DIS3L2: variants seen among roughly 807,000 people sequenced by gnomAD.
DIS3L2 encodes the protein DIS3-like exonuclease 2.
DIS3L2 carries 34 observed loss-of-function variants against 97.5 expected under a neutral mutation model. That is an observed-to-expected ratio of 0.35 (90% CI 0.27 to 0.46). The LOEUF (loss-of-function observed/expected upper bound fraction) is 0.46, where lower values mean the gene tolerates loss of function less well. Ranked by LOEUF, DIS3L2 falls within the 20% of genes least tolerant of loss-of-function variation. DIS3L2 has a pLI of 1.00. For synonymous variants in DIS3L2, 435 were observed against 445.2 expected (o/e 0.98, Z 0.29); for missense variants, 1,038 against 1,146.0 (o/e 0.91, Z 1.36).
Position 232,127,475 on chromosome 2 carries a change from T to G in DIS3L2, c.602-3144T>G, listed in dbSNP as rs947976737. 3.9e-5 allele frequency among the ~76,000 whole-genome samples: 6 copies of G among 152,346 alleles called. No homozygotes were observed. In the East Asian group the frequency reaches 1.2e-3, roughly 29 times the overall value. On this transcript the variant is annotated intron_variant, in intron 6 of 20. Coordinates refer to ENST00000325385, the MANE Select transcript of DIS3L2 (RefSeq NM_152383.5). ...AAATATATCTTAATTCCATCTCCAA[T>G]GCCTGCATCACAGCTCCAGCCTCTC...
At chr2:231,969,101 A>G (rs1014170282) in intron 1 of DIS3L2, among the ~76,000 whole-genome samples, 5 of 152,228 alleles carry the variant, frequency 3.3e-5, no homozygotes, top group African/African-American at 1.2e-4. Flanking sequence ...GCCGTGTGGA[A>G]CTGAGTCAAT....
rs1450095557 is a variant in DIS3L2, at chr2:232,337,011, C to T, written c.*381C>T. The stretch of plus-strand genomic sequence containing the variant: ...GTAGGGCGCCTCTGGGAAGCCTGGG[C>T]AGCAGAATGCCCCTTGCACCCAGGG... On this transcript the variant is annotated 3_prime_UTR_variant, in exon 21 of 21. Transcript: ENST00000325385. 8 of 1,090,060 alleles carry T rather than the reference C, an allele frequency of 7.3e-6. No homozygotes were observed. The highest frequency in any genetic ancestry group is 2.4e-5 in the South Asian group (1 of 40,870). The allele number at this position is 1,090,060 out of a possible 1,614,324, so 67.5% of individuals were successfully genotyped here.
At chr2:232,054,039 G>C (rs1296762608) in intron 5 of DIS3L2, among the ~76,000 whole-genome samples, 2 of 152,118 alleles carry the variant, frequency 1.3e-5, no homozygotes, top group African/African-American at 4.8e-5. Flanking sequence ...TGTTCGAAAA[G>C]GGCTTATTAC....
At chr2:232,176,076 A>G (rs1483800386) in intron 9 of DIS3L2, among the ~76,000 whole-genome samples, 1 of 152,098 alleles carries the variant, frequency 6.6e-6, no homozygotes, top group Non-Finnish European at 1.5e-5. Context: ...TTCTTCATAG[A>G]GACAGGGTTT....
At chr2:232,051,453 A>G (rs975453023) in intron 5 of DIS3L2, among the ~76,000 whole-genome samples, 33 of 152,198 alleles carry the variant, frequency 2.2e-4, no homozygotes, top group African/African-American at 5.8e-4. Context: ...ACGACTAGGA[A>G]GACCAAAAAC....
chr2:232,060,643 C>G (rs1695678665), intron 5 of DIS3L2, among the ~76,000 whole-genome samples: 1 of 151,924 alleles, frequency 6.6e-6, no homozygotes, highest in Admixed American at 6.6e-5. Context: ...CTATTCTGGT[C>G]TTTTATGGCT....
chr2:232,301,168 A>G (rs1473215670), intron 14 of DIS3L2, among the ~76,000 whole-genome samples: 2 of 152,182 alleles, frequency 1.3e-5, no homozygotes, highest in Non-Finnish European at 2.9e-5. Context: ...TATTATTGTC[A>G]TATTTGCAGA....
intron 16 of DIS3L2, chr2:232,331,724 C>T (rs1457867773): frequency 6.6e-6 from 1 of 152,442 alleles, no homozygotes; most frequent in African/African-American, 2.4e-5. Flanking sequence ...AGAACTGCCT[C>T]TGGCTCTGCC....
Position 232,254,359 on chromosome 2 carries a change from G to A in DIS3L2, c.1425+5013G>A, listed in dbSNP as rs535929960. On this transcript the variant is annotated intron_variant, in intron 12 of 20. Coordinates refer to ENST00000325385, the MANE Select transcript of DIS3L2 (RefSeq NM_152383.5). ...GTATGCCAGCAATCATATTTTGGTG[G>A]GGGTGGGAGCATGCATAGGGGAAAA... is the stretch of plus-strand genomic sequence containing the variant. 3.9e-5 allele frequency among the ~76,000 whole-genome samples: 6 copies of A among 152,248 alleles called. No homozygotes were observed. In the South Asian group the frequency reaches 1.2e-3, roughly 32 times the overall value.
intron 5 of DIS3L2, among the ~76,000 whole-genome samples, chr2:232,055,709 C>T (rs1695528276): frequency 6.6e-6 from 1 of 151,980 alleles, no homozygotes. Context: ...CTTAAACTGC[C>T]CAACATCAAG....
intron 5 of DIS3L2, among the ~76,000 whole-genome samples, chr2:232,068,006 G>T (rs1275582686): frequency 6.6e-6 from 1 of 152,122 alleles, no homozygotes; most frequent in Non-Finnish European, 1.5e-5. Context: ...ATGAGATGGG[G>T]AGAGAAGGAT....
At chr2:232,212,889 A>G (rs1292547455) in intron 10 of DIS3L2, among the ~76,000 whole-genome samples, 3 of 152,156 alleles carry the variant, frequency 2.0e-5, no homozygotes, top group African/African-American at 4.8e-5. Flanking sequence ...GGAGTCCAAG[A>G]TGGTGCCAAG....
At chr2:231,994,757 A>G (rs1693682929) in intron 1 of DIS3L2, among the ~76,000 whole-genome samples, 2 of 151,814 alleles carry the variant, frequency 1.3e-5, no homozygotes. Flanking sequence ...TTTATATTTT[A>G]GTAAGTTTCT....
intron 18 of DIS3L2, 41 bp downstream of exon 18, chr2:232,334,540 C>A: frequency 6.2e-7 from 1 of 1,609,932 alleles, no homozygotes; most frequent in Non-Finnish European, 8.5e-7. Flanking sequence ...CCCTCTGGCT[C>A]CCGACCCTCC....
At chr2:232,342,250 CACATACACACAT>C (rs1696125120) in intron 13 of DIS3L2, among the ~76,000 whole-genome samples, 1 of 121,870 alleles carries the variant, frequency 8.2e-6, no homozygotes, top group African/African-American at 3.8e-5. Flanking sequence ...CACATATATA[CACATACACACAT>C]ACACATATAC....
chr2:232,295,672 ACTGT>A (rs1484147563), intron 13 of DIS3L2, among the ~76,000 whole-genome samples: 1 of 152,208 alleles, frequency 6.6e-6, no homozygotes, highest in Non-Finnish European at 1.5e-5. Flanking sequence ...CTTCCCTAGC[ACTGT>A]CTAATTTGCT....
chr2:232,233,666 G>A (rs973959009), intron 10 of DIS3L2, among the ~76,000 whole-genome samples: 1 of 152,212 alleles, frequency 6.6e-6, no homozygotes, highest in Non-Finnish European at 1.5e-5. Flanking sequence ...AGTCTGGAAG[G>A]CCTTATCTCA....
At chr2:232,263,646 G>A (rs973984131) in intron 13 of DIS3L2, among the ~76,000 whole-genome samples, 1 of 152,118 alleles carries the variant, frequency 6.6e-6, no homozygotes, top group Non-Finnish European at 1.5e-5. Flanking sequence ...TCTGTATTTT[G>A]TATGATTCCA....
At chr2:231,979,133 G>T (rs916206326) in intron 1 of DIS3L2, among the ~76,000 whole-genome samples, 25 of 152,176 alleles carry the variant, frequency 1.6e-4, no homozygotes, top group Admixed American at 9.2e-4. Flanking sequence ...TAACTAAGAA[G>T]ACTTTCTTTA....
Sources: gnomAD v4.1 joint callset for allele counts (sites outside exome capture counted in the v4.1 genomes callset) on GRCh38, gnomAD v4.1.1 for gene constraint, MANE v1.5 for transcripts, NCBI Gene and HGNC (gene_info 2026-07-23, HGNC 2026-07-21) for gene names.